ORM1: variants seen among roughly 807,000 people sequenced by gnomAD.
ORM1 encodes orosomucoid 1, also known as alpha-1-acid glycoprotein 1.
ORM1 carries 13 observed loss-of-function variants against 26.9 expected under a neutral mutation model. That is an observed-to-expected ratio of 0.48 (90% CI 0.31 to 0.77). The LOEUF (loss-of-function observed/expected upper bound fraction) is 0.77, where lower values mean the gene tolerates loss of function less well. ORM1 is among the 30% of genes least tolerant of loss of function. The pLI is 0.04. For synonymous variants in ORM1, 76 were observed against 102.2 expected, an observed-to-expected ratio of 0.74 and a Z score of 1.55; for missense variants, 189 against 246.8, an observed-to-expected ratio of 0.77 and a Z score of 1.57.
chr9:114,326,143 C>A, intron 5 of ORM1, 149 bp from the exon 6 acceptor site: 1 of 662,192 alleles, frequency 1.5e-6, no homozygotes, highest in Non-Finnish European at 2.6e-6. Context: ...CCCAAGATCA[C>A]CCAGCTGGGA....
At position 114,324,882 on chromosome 9, in the gene ORM1, G is replaced by C; in HGVS notation, c.421G>C (p.Gly141Arg). The C allele has an allele frequency of 1.2e-6, 2 of 1,614,042 alleles. 1 individual carries two copies. The highest frequency in any genetic ancestry group is 4.5e-5 in the East Asian group (2 of 44,886). Residue 141 changes from glycine to arginine, a missense_variant, in exon 4 of 6, where the codon GGG (glycine) becomes CGG (arginine). Around this residue, in one of 3 missense-constraint regions of ORM1, gnomAD observed 163 missense variants for 157.7 expected, o/e 1.03. Coordinates refer to ENST00000259396, the MANE Select transcript of ORM1 (RefSeq NM_000607.4). Reference protein sequence around the residue: ...AFDVNDEKNWGLSVYADKPET... With the variant: ...AFDVNDEKNWRLSVYADKPET... ...TGACGTGAACGATGAGAAGAACTGG[G>C]GGCTGTCTGTCTATGGTAGGCATGC... is the stretch of plus-strand genomic sequence containing the variant.
rs376146322 is a variant in ORM1 at position 114,324,045 on chromosome 9, C to G, written c.285C>G (p.Thr95=). The G allele has an allele frequency of 6.2e-7, 1 of 1,613,920 alleles. No homozygotes were observed. The highest frequency in any genetic ancestry group is 1.3e-5 in the African/African-American group (1 of 74,880). ...AGGACCAGTGCATCTATAACACCAC[C>G]TACCTGAATGTCCAGCGGGAAAATG... ...TRQDQCIYNT[T]YLNVQRENGT... The change falls in exon 3 of 6, where the codon ACC becomes ACG. Residue 95 remains threonine, a synonymous_variant. Coordinates refer to ENST00000259396, the MANE Select transcript of ORM1 (RefSeq NM_000607.4).
In ORM1 at chr9:114,324,915, C is replaced by A; in HGVS notation, c.436+18C>A. The A allele has an allele frequency of 3.7e-6, 6 of 1,607,714 alleles. No homozygotes were observed. The highest frequency in any genetic ancestry group is 4.3e-6 in the Non-Finnish European group (5 of 1,174,274). ...TGTCTATGGTAGGCATGCTTAGCAG[C>A]CCCAAACTCATGCCCCTCTCAGGCC... On this transcript the variant is annotated intron_variant, in intron 4 of 5. Coordinates refer to ENST00000259396, the MANE Select transcript of ORM1 (RefSeq NM_000607.4).
At chr9:114,325,875 A>G (rs118127002) in intron 5 of ORM1, among the ~76,000 whole-genome samples, 2,487 of 151,978 alleles carry the variant, frequency 0.016, 35 homozygotes, top group East Asian at 0.026. Context: ...GCTTATGAAC[A>G]CAACCACTGT....
Position 114,325,813 on chromosome 9 carries a change from T to G in ORM1, c.541-479T>G, listed in dbSNP as rs560577436. Among the ~76,000 whole-genome samples the G allele has an allele frequency of 6.1e-3, 929 of 151,546 alleles. 12 individuals carry two copies. Among genetic ancestry groups the G allele is most frequent in the South Asian group, 0.034 (162 of 4,796 alleles). Reference sequence around the variant, plus strand: ...ATTTGCCATCTGAGATGACCACCAGTGGTGTGAACTACCTCCTGCCCCCAT... The same window carrying G: ...ATTTGCCATCTGAGATGACCACCAGGGGTGTGAACTACCTCCTGCCCCCAT... On this transcript the variant is annotated intron_variant, in intron 5 of 5. Transcript: ENST00000259396.
chr9:114,324,944 C>T (rs763106298), intron 4 of ORM1, 47 bp downstream of exon 4: 1 of 1,588,750 alleles, frequency 6.3e-7, no homozygotes, highest in African/African-American at 1.3e-5. Flanking sequence ...TCAGGCCTCA[C>T]CCCCCATTCA....
Position 114,323,315 on chromosome 9 carries a change from C to A in ORM1, c.114+68C>A, listed in dbSNP as rs764457237. 5.7e-4 allele frequency: 919 copies of A among 1,613,148 alleles called. 6 individuals carry two copies. Among genetic ancestry groups the A allele is most frequent in the South Asian group, 3.1e-3 (279 of 90,976 alleles). The stretch of plus-strand genomic sequence containing the variant: ...GCCTCCCTTCTCTGGGCTTCCCTTT[C>A]CCTGCTGGCTGTGGTCGGACCCCCA... On this transcript the variant is annotated intron_variant, in intron 1 of 5. Coordinates refer to ENST00000259396, the MANE Select transcript of ORM1 (RefSeq NM_000607.4).
At chr9:114,324,250 CTG>C (rs1829733551) in intron 3 of ORM1, among the ~76,000 whole-genome samples, 162 bp downstream of exon 3, 1 of 152,126 alleles carries the variant, frequency 6.6e-6, no homozygotes, top group Non-Finnish European at 1.5e-5. Flanking sequence ...TAAGAGGACA[CTG>C]AGAGAATTAG....
rs1442539947 is a variant in ORM1, at chr9:114,323,653, T to A, written c.115-10T>A. 6.2e-7 allele frequency: 1 copy of A among 1,614,016 alleles called. No homozygotes were observed. Among genetic ancestry groups the A allele is most frequent in the Admixed American group, 1.7e-5 (1 of 60,022 alleles). ...CAAGCCCCCATCACCAGCTCCCACCTTCTCCCCAGATCACTGGCAAGTGGT... is the reference window on the plus strand; with the variant it reads ...CAAGCCCCCATCACCAGCTCCCACCATCTCCCCAGATCACTGGCAAGTGGT... On this transcript the variant is annotated splice_polypyrimidine_tract_variant and intron_variant, in intron 1 of 5. Transcript: ENST00000259396.
rs1829719931 is a variant in ORM1, at chr9:114,323,658, C to A, written c.115-5C>A. Reference sequence around the variant, plus strand: ...CCCCATCACCAGCTCCCACCTTCTCCCCAGATCACTGGCAAGTGGTTTTAT... The same window carrying A: ...CCCCATCACCAGCTCCCACCTTCTCACCAGATCACTGGCAAGTGGTTTTAT... On this transcript the variant is annotated splice_region_variant and splice_polypyrimidine_tract_variant and intron_variant, in intron 1 of 5. Coordinates refer to ENST00000259396, the MANE Select transcript of ORM1 (RefSeq NM_000607.4). 15 of 1,613,908 alleles carry A rather than the reference C, an allele frequency of 9.3e-6. No homozygotes were observed. Among genetic ancestry groups the A allele is most frequent in the Non-Finnish European group, 1.3e-5 (15 of 1,179,880 alleles).
chr9:114,326,477 T>C lies in ORM1; in HGVS notation c.*120T>C. ...ATAAAGCTTCTGTGTTTGGAACAGC[T>C]AAGCTGTTAGTCATTTGTTCATTCA... On this transcript the variant is annotated 3_prime_UTR_variant, in exon 6 of 6. Coordinates refer to ENST00000259396, the MANE Select transcript of ORM1 (RefSeq NM_000607.4). The C allele has an allele frequency of 1.9e-6, 2 of 1,053,902 alleles. No homozygotes were observed. The highest frequency in any genetic ancestry group is 2.7e-6 in the Non-Finnish European group (2 of 727,282). 65.3% of individuals were successfully genotyped at this position (1,053,902 alleles called of 1,614,324 possible). A position where few individuals can be genotyped will look rare whatever the true frequency, so the allele number is the denominator to read the frequency against.
intron 5 of ORM1, 48 bp downstream of exon 5, chr9:114,325,200 T>G (rs1216514718): frequency 6.4e-7 from 1 of 1,568,798 alleles, no homozygotes; most frequent in Non-Finnish European, 8.8e-7. Flanking sequence ...TGGCCCAACT[T>G]GGGCAGCCCC....
In ORM1 at chr9:114,326,353, C is replaced by A; in HGVS notation, c.602C>A (p.Ser201Tyr). The A allele has an allele frequency of 6.4e-7, 1 of 1,570,882 alleles. No homozygotes were observed. Among genetic ancestry groups the A allele is most frequent in the Non-Finnish European group, 8.6e-7 (1 of 1,159,380 alleles). ...GAGAGGAAACAGGAGGAGGGGGAAT[C>A]CTAGCAGGACACAGCCTTGGATCAG... ...EKERKQEEGE[S>Y] Residue 201 changes from serine (S) to tyrosine (Y), a missense_variant, in exon 6 of 6, where the codon TCC becomes TAC. Around this residue, in one of 3 missense-constraint regions of ORM1, gnomAD observed 6 missense variants for 25.0 expected, o/e 0.24. Transcript: ENST00000259396.
intron 3 of ORM1, among the ~76,000 whole-genome samples, 154 bp from the exon 4 acceptor site, chr9:114,324,636 T>C (rs114725877): frequency 0.047 from 7,112 of 152,056 alleles, 616 homozygotes; most frequent in African/African-American, 0.16. Flanking sequence ...GAGCTGGGCA[T>C]GCAGCAGGGG....
At position 114,325,139 on chromosome 9, in the gene ORM1, C is replaced by A. The variant is rs764348499; in HGVS notation, c.527C>A (p.Thr176Asn). The change falls in exon 5 of 6, where the codon ACC (threonine) becomes AAC (asparagine). Residue 176 changes from threonine to asparagine, a missense_variant. This residue lies in a region of ORM1 where 163 missense variants were observed against 157.7 expected (regional missense o/e 1.03). Coordinates refer to ENST00000259396, the MANE Select transcript of ORM1 (RefSeq NM_000607.4). ...LRIPKSDVVY[T>N]DWKKDKCEPL... ...ATTCCCAAGTCAGATGTCGTGTACA[C>A]CGATTGGAAAAAGGTAAACGCAAGG... The A allele has an allele frequency of 6.2e-6, 10 of 1,613,880 alleles. 1 individual carries two copies. The South Asian group carries it at 1.1e-4, about 18-fold the overall frequency.
In ORM1 at chr9:114,326,275, TC is replaced by T; in HGVS notation, c.541-13del. ...GCCTCTGCTTCTCCCTCACCCCAAT[TC>T]CCCGCTGCCTTCTAGGATAAGTGTG... On this transcript the variant is annotated splice_polypyrimidine_tract_variant and intron_variant, in intron 5 of 5. Transcript: ENST00000259396. 6.3e-7 allele frequency: 1 copy of T among 1,578,608 alleles called. No individual in the cohort carries two copies. Among genetic ancestry groups the T allele is most frequent in the Non-Finnish European group, 8.6e-7 (1 of 1,164,302 alleles).
intron 5 of ORM1, 156 bp downstream of exon 5, chr9:114,325,308 A>G (rs1588923107): frequency 1.6e-6 from 1 of 637,502 alleles, no homozygotes; most frequent in East Asian, 2.8e-5. Flanking sequence ...GCTGAGCTCT[A>G]CAGAGGCCCA....
chr9:114,325,784 T>A (rs10982156), intron 5 of ORM1, among the ~76,000 whole-genome samples: 10,556 of 151,362 alleles, frequency 0.07, 27 homozygotes, highest in Admixed American at 0.082. Context: ...AAACAATTCC[T>A]TCCATTTGCC....
rs1452269115 is a variant in ORM1 at position 114,324,777 on chromosome 9, T to G, written c.329-13T>G. 2 of 1,607,864 alleles carry G rather than the reference T, an allele frequency of 1.2e-6. No individual in the cohort carries two copies. Among genetic ancestry groups the G allele is most frequent in the Admixed American group, 3.3e-5 (2 of 59,952 alleles). Reference sequence around the variant, plus strand: ...TCCCATGTTCTCACCCAGAGGCTCCTTTTCTCTTCCAGTGGGAGGCCAAGA... The same window carrying G: ...TCCCATGTTCTCACCCAGAGGCTCCGTTTCTCTTCCAGTGGGAGGCCAAGA... On this transcript the variant is annotated splice_polypyrimidine_tract_variant and intron_variant, in intron 3 of 5. Transcript: ENST00000259396.
Sources: allele counts gnomAD v4.1 joint callset (sites outside exome capture counted in the v4.1 genomes callset), GRCh38; gene constraint gnomAD v4.1.1; regional missense constraint gnomAD v4.1.1; transcripts MANE v1.5; gene names NCBI Gene and HGNC (gene_info 2026-07-23, HGNC 2026-07-21).